The following SNTG2 variants were observed in gnomAD, a reference collection of about 807,000 sequenced individuals.
The protein encoded by SNTG2 is gamma-2-syntrophin.
SNTG2 carries 74 observed loss-of-function variants against 70.9 expected under a neutral mutation model. The observed-to-expected ratio is 1.04, with a 90% CI of 0.86 to 1.27. The LOEUF is 1.27. Among genes scored for constraint, SNTG2 ranks in the 50% most tolerant of loss-of-function variants. SNTG2 has a pLI of 0.00. For synonymous variants in SNTG2, 278 were observed against 273.8 expected, an observed-to-expected ratio of 1.02 and a Z score of -0.15; for missense variants, 717 against 690.7, an observed-to-expected ratio of 1.04 and a Z score of -0.43.
intron 4 of SNTG2, among the ~76,000 whole-genome samples, chr2:1,098,722 C>A (rs553398485): frequency 6.6e-6 from 1 of 152,206 alleles, no homozygotes; most frequent in South Asian, 2.1e-4. Flanking sequence ...TTTTAAAAAT[C>A]GAGGAGAATT....
chr2:994,202 A>C (rs1487303512), intron 1 of SNTG2, among the ~76,000 whole-genome samples: 2 of 152,008 alleles, frequency 1.3e-5, no homozygotes, highest in African/African-American at 4.8e-5. Flanking sequence ...ATATAAACGT[A>C]TTTATTTTTT....
At chr2:1,350,850 G>T (rs1660536186) in intron 16 of SNTG2, among the ~76,000 whole-genome samples, 1 of 152,066 alleles carries the variant, frequency 6.6e-6, no homozygotes, top group South Asian at 2.1e-4. Flanking sequence ...ATGATATTTT[G>T]AGTGAATAGG....
At chr2:1,199,571 A>C (rs976352296) in intron 8 of SNTG2, among the ~76,000 whole-genome samples, 1 of 152,100 alleles carries the variant, frequency 6.6e-6, no homozygotes, top group East Asian at 1.9e-4. Context: ...GAAAAATAGG[A>C]AGTTAAATTG....
chr2:1,201,703 A>G (rs1673287104), intron 8 of SNTG2, among the ~76,000 whole-genome samples: 1 of 151,966 alleles, frequency 6.6e-6, no homozygotes, highest in African/African-American at 2.4e-5. Context: ...CATCATATGC[A>G]TGTATCAAAG....
intron 4 of SNTG2, among the ~76,000 whole-genome samples, chr2:1,114,502 CAT>C (rs1415490052): frequency 2.6e-5 from 4 of 151,706 alleles, no homozygotes; most frequent in East Asian, 1.9e-4. Context: ...TGAGGAGAAT[CAT>C]GTGTACTAAG....
At chr2:1,306,429 A>T (rs1033775714) in intron 14 of SNTG2, among the ~76,000 whole-genome samples, 1 of 152,212 alleles carries the variant, frequency 6.6e-6, no homozygotes, top group African/African-American at 2.4e-5. Flanking sequence ...GTTGACAGGC[A>T]TGAAGATGTT....
intron 12 of SNTG2, among the ~76,000 whole-genome samples, chr2:1,257,768 C>T (rs1051907136): frequency 7.9e-5 from 12 of 152,160 alleles, no homozygotes; most frequent in East Asian, 3.8e-4. Flanking sequence ...TTACAAAAAC[C>T]GTAACTCCAC....
chr2:1,357,487 G>A (rs1309650675), intron 16 of SNTG2, among the ~76,000 whole-genome samples: 1 of 152,234 alleles, frequency 6.6e-6, no homozygotes, highest in East Asian at 1.9e-4. Flanking sequence ...CAGTTGACTA[G>A]TAGTGCCTTT....
In SNTG2 at chr2:1,098,354, G is replaced by A. The variant is rs374887291; in HGVS notation, c.269G>A (p.Gly90Glu). 5.6e-5 allele frequency: 91 copies of A among 1,613,860 alleles called. 1 individual carries two copies. The highest frequency in any genetic ancestry group is 3.3e-4 in the Middle Eastern group (2 of 6,084). Residue 90 changes from glycine to glutamate, a missense_variant and splice_region_variant, in exon 4 of 17, where the codon GGA becomes GAA. Coordinates refer to ENST00000308624, the MANE Select transcript of SNTG2 (RefSeq NM_018968.4). Reference sequence around the variant, plus strand: ...CTTTCTGATGGCTTTGTCTTTCAGGGAGGTTCTGAGCACAACGTCCCTGTC... The same window carrying A: ...CTTTCTGATGGCTTTGTCTTTCAGGAAGGTTCTGAGCACAACGTCCCTGTC... ...PVGGLGLSIK[G>E]GSEHNVPVVI...
intron 1 of SNTG2, among the ~76,000 whole-genome samples, chr2:956,220 C>T (rs1397758646): frequency 3.3e-5 from 4 of 120,730 alleles, no homozygotes; most frequent in African/African-American, 6.4e-5. Flanking sequence ...TGCCCCTGCC[C>T]CGCCCCTGCC....
intron 1 of SNTG2, among the ~76,000 whole-genome samples, chr2:1,070,062 G>T (rs1035622563): frequency 6.6e-6 from 1 of 152,032 alleles, no homozygotes; most frequent in Non-Finnish European, 1.5e-5. Context: ...AGCAAAGCCA[G>T]TCACCACCTT....
chr2:1,316,220 T>G, intron 15 of SNTG2, 45 bp from the exon 16 acceptor site: 46 of 926,520 alleles, frequency 5.0e-5, no homozygotes, highest in Non-Finnish European at 7.2e-5. Context: ...ATTAAATAAA[T>G]GAGCTCTTGT....
At chr2:1,290,797 T>A (rs1049760907) in intron 14 of SNTG2, among the ~76,000 whole-genome samples, 1 of 150,422 alleles carries the variant, frequency 6.6e-6, no homozygotes, top group African/African-American at 2.4e-5. Flanking sequence ...CCAAACCATA[T>A]CAATGGGTGT....
intron 16 of SNTG2, among the ~76,000 whole-genome samples, 179 bp downstream of exon 16, chr2:1,316,554 C>T (rs1176973657): frequency 5.2e-5 from 2 of 38,230 alleles, no homozygotes; most frequent in African/African-American, 1.5e-4. Context: ...CTGTCGAGGT[C>T]AAATATCCCT....
chr2:1,066,355 G>T lies in SNTG2; in HGVS notation c.73-17163G>T, dbSNP rs1166886242. On this transcript the variant is annotated intron_variant, in intron 1 of 16. Transcript: ENST00000308624. Reference sequence around the variant, plus strand: ...CAACTTTTGAAGCATTGGTTTTGCAGTGTACAGTCACGTGTTGTTGTGAAG... The same window carrying T: ...CAACTTTTGAAGCATTGGTTTTGCATTGTACAGTCACGTGTTGTTGTGAAG... Among the ~76,000 whole-genome samples, 7 of 151,962 alleles carry T rather than the reference G, an allele frequency of 4.6e-5. No homozygotes were observed. In the South Asian group the frequency reaches 8.3e-4, roughly 18 times the overall value.
chr2:1,058,691 T>C (rs1351196610), intron 1 of SNTG2, among the ~76,000 whole-genome samples: 1 of 152,218 alleles, frequency 6.6e-6, no homozygotes, highest in Non-Finnish European at 1.5e-5. Context: ...CATCCTTGGC[T>C]AGAGGGTGGA....
At chr2:1,074,223 G>T (rs926615022) in intron 1 of SNTG2, among the ~76,000 whole-genome samples, 1 of 152,182 alleles carries the variant, frequency 6.6e-6, no homozygotes, top group South Asian at 2.1e-4. Context: ...CTGCCCGGGG[G>T]AATGCTCAGA....
intron 1 of SNTG2, among the ~76,000 whole-genome samples, chr2:1,076,788 A>G (rs1663945408): frequency 6.6e-6 from 1 of 152,234 alleles, no homozygotes; most frequent in Non-Finnish European, 1.5e-5. Flanking sequence ...AACAAAAATC[A>G]GGACTTAATA....
In SNTG2 at chr2:1,148,429, G is replaced by A. The variant is rs566113969; in HGVS notation, c.411+10620G>A. ...CATGCTTCACAGAAGTGGGAACCCAGAGCTGGGGAGGCTGCGGGGCTGCTG... is the reference window on the plus strand; with the variant it reads ...CATGCTTCACAGAAGTGGGAACCCAAAGCTGGGGAGGCTGCGGGGCTGCTG... On this transcript the variant is annotated intron_variant, in intron 6 of 16. Coordinates refer to ENST00000308624, the MANE Select transcript of SNTG2 (RefSeq NM_018968.4). Among the ~76,000 whole-genome samples, 28 of 152,322 alleles carry A rather than the reference G, an allele frequency of 1.8e-4. 1 individual carries two copies. In the South Asian group the frequency reaches 2.9e-3, roughly 16 times the overall value.
Sources: gnomAD v4.1 joint callset for allele counts (sites outside exome capture counted in the v4.1 genomes callset) on GRCh38, gnomAD v4.1.1 for gene constraint, MANE v1.5 for transcripts, NCBI Gene and HGNC (gene_info 2026-07-23, HGNC 2026-07-21) for gene names.